ERICH1: variants seen among roughly 807,000 people sequenced by gnomAD.
The protein encoded by ERICH1 is glutamate-rich protein 1.
In ERICH1, 56 loss-of-function variants were observed where a neutral mutation model predicts 39.6. The observed-to-expected ratio is 1.41, with a 90% CI of 1.14 to 1.77. The LOEUF (loss-of-function observed/expected upper bound fraction) is 1.77. ERICH1 is among the 40% of genes most tolerant of loss of function. The pLI is 0.00. For synonymous variants in ERICH1, 313 were observed against 223.6 expected, an observed-to-expected ratio of 1.40 and a Z score of -3.57; for missense variants, 826 against 575.4, an observed-to-expected ratio of 1.44 and a Z score of -4.45.
intron 2 of ERICH1, among the ~76,000 whole-genome samples, chr8:705,871 AT>A (rs1813159905): frequency 6.6e-6 from 1 of 152,198 alleles, no homozygotes; most frequent in African/African-American, 2.4e-5. Context: ...GAGCCTTAAG[AT>A]AATGCGGACC....
chr8:616,193 C>T (rs1455002026), intron 3 of ERICH1: 5 of 211,658 alleles, frequency 2.4e-5, no homozygotes, highest in East Asian at 1.3e-4. Flanking sequence ...AAAGAAATTC[C>T]GTAACCTGAA....
chr8:676,711 G>A (rs9314598), intron 3 of ERICH1, among the ~76,000 whole-genome samples: 150,710 of 152,328 alleles, frequency 0.99, 74,569 homozygotes, highest in East Asian at 1. Flanking sequence ...TCTATACCAC[G>A]GGCGTCTGTG....
At chr8:643,417 C>T (rs994563863) in intron 3 of ERICH1, among the ~76,000 whole-genome samples, 4 of 152,100 alleles carry the variant, frequency 2.6e-5, no homozygotes, top group Admixed American at 6.5e-5. Flanking sequence ...CTCCATGGCC[C>T]GGCTCTCATG....
At chr8:699,306 C>A (rs1811116263) in intron 2 of ERICH1, among the ~76,000 whole-genome samples, 1 of 152,146 alleles carries the variant, frequency 6.6e-6, no homozygotes, top group Non-Finnish European at 1.5e-5. Context: ...CCAGCCCCAC[C>A]AGAGGGCTGG....
intron 2 of ERICH1, among the ~76,000 whole-genome samples, chr8:708,681 G>GTTTTTTTTTTGT (rs1563319316): frequency 0.023 from 1,506 of 65,708 alleles, 55 homozygotes; most frequent in Non-Finnish European, 0.03. Context: ...GGGATAATGA[G>GTTTTTTTTTTGT]TTTTTTTTTT....
chr8:652,224 G>A lies in ERICH1; in HGVS notation c.976+16374C>T, dbSNP rs187052683. Among the ~76,000 whole-genome samples, 540 of 152,310 alleles carry A rather than the reference G, an allele frequency of 3.5e-3. 2 individuals are homozygous for A. Among genetic ancestry groups the A allele is most frequent in the African/African-American group, 0.012 (512 of 41,562 alleles). On this transcript the variant is annotated intron_variant, in intron 3 of 3. Coordinates refer to the ERICH1 transcript ENST00000522706. ...TCCGACGCCTGAAGACCTTACTTCCGGTGGCAGGAAATGCAGCCAGCAGGA... is the reference window on the plus strand; with the variant it reads ...TCCGACGCCTGAAGACCTTACTTCCAGTGGCAGGAAATGCAGCCAGCAGGA...
At chr8:717,263 C>T (rs1315419946) in intron 1 of ERICH1, among the ~76,000 whole-genome samples, 1 of 152,174 alleles carries the variant, frequency 6.6e-6, no homozygotes, top group African/African-American at 2.4e-5. Context: ...ATGAGAGGGT[C>T]CCCATACGCT....
chr8:716,979 A>G (rs1312251460), intron 1 of ERICH1, among the ~76,000 whole-genome samples: 1 of 152,176 alleles, frequency 6.6e-6, no homozygotes, highest in African/African-American at 2.4e-5. Context: ...CGCTGTTAAG[A>G]ACACTATGTG....
chr8:662,112 G>T (rs578025677), downstream of ERICH1, among the ~76,000 whole-genome samples: 1 of 152,172 alleles, frequency 6.6e-6, no homozygotes, highest in African/African-American at 2.4e-5. Context: ...CAGGGATTCT[G>T]TGGAACCCAG....
intron 1 of ERICH1, among the ~76,000 whole-genome samples, chr8:727,603 G>A (rs1438451111): frequency 6.6e-6 from 1 of 152,200 alleles, no homozygotes; most frequent in Non-Finnish European, 1.5e-5. Flanking sequence ...CAGCAAGAAT[G>A]GATTCTTATT....
rs762809720 is a variant in ERICH1, at chr8:716,016, A to T, written c.23-9T>A. ...CACCTTCTCCACAAACACTGTACAG[A>T]CAACCGATTAAAAGAAAAGGAGGAA... On this transcript the variant is annotated splice_polypyrimidine_tract_variant and intron_variant, in intron 1 of 5. Coordinates refer to ENST00000262109, the MANE Select transcript of ERICH1 (RefSeq NM_207332.3). 1.3e-6 allele frequency: 2 copies of T among 1,582,588 alleles called. No individual in the cohort carries two copies. Among genetic ancestry groups the T allele is most frequent in the Admixed American group, 2.0e-5 (1 of 51,066 alleles).
intron 3 of ERICH1, among the ~76,000 whole-genome samples, chr8:653,549 C>A (rs892346337): frequency 6.6e-6 from 1 of 152,184 alleles, no homozygotes; most frequent in East Asian, 1.9e-4. Flanking sequence ...GTTCTGACCA[C>A]GAGGAATCCC....
chr8:719,883 C>T (rs1168600390), intron 1 of ERICH1, among the ~76,000 whole-genome samples: 2 of 152,210 alleles, frequency 1.3e-5, no homozygotes. Flanking sequence ...GGGTCCACCG[C>T]AGTGTGGACC....
chr8:730,011 C>T (rs927219717), intron 1 of ERICH1, among the ~76,000 whole-genome samples: 14 of 152,280 alleles, frequency 9.2e-5, no homozygotes, highest in Admixed American at 5.9e-4. Flanking sequence ...GCTTTGCAGG[C>T]AGCTGACCGT....
intron 3 of ERICH1, among the ~76,000 whole-genome samples, chr8:682,749 T>G (rs78191393): frequency 6.6e-6 from 1 of 152,168 alleles, no homozygotes; most frequent in East Asian, 1.9e-4. Flanking sequence ...GGAGTAGAAA[T>G]AGTTAGATAA....
intron 2 of ERICH1, among the ~76,000 whole-genome samples, chr8:715,521 T>A (rs1470762656): frequency 2.6e-5 from 4 of 152,210 alleles, no homozygotes; most frequent in South Asian, 2.1e-4. Context: ...GCCACCACAG[T>A]GACTGGGGGC....
chr8:618,215 C>A (rs1489767561), intron 3 of ERICH1, among the ~76,000 whole-genome samples: 1 of 150,622 alleles, frequency 6.6e-6, no homozygotes, highest in Non-Finnish European at 1.5e-5. Context: ...GGTACTTGGT[C>A]CATCTCACTG....
At chr8:702,301 C>A (rs561480108) in intron 2 of ERICH1, among the ~76,000 whole-genome samples, 48 of 152,244 alleles carry the variant, frequency 3.2e-4, no homozygotes, top group Admixed American at 3.0e-3. Flanking sequence ...AGACTGCAAA[C>A]ACTCTGTATT....
chr8:685,481 G>C (rs1807119664), intron 3 of ERICH1, among the ~76,000 whole-genome samples: 1 of 152,224 alleles, frequency 6.6e-6, no homozygotes, highest in South Asian at 2.1e-4. Context: ...AAGATGATGG[G>C]ATTAAGAGAT....
Sources: gnomAD v4.1 joint callset for allele counts (sites outside exome capture counted in the v4.1 genomes callset) on GRCh38, gnomAD v4.1.1 for gene constraint, MANE v1.5 for transcripts, NCBI Gene and HGNC (gene_info 2026-07-23, HGNC 2026-07-21) for gene names.